Variants in WWOX observed in about 807,000 individuals in gnomAD.
The protein encoded by WWOX is WW domain-containing oxidoreductase.
In WWOX, 69 loss-of-function variants were observed where a neutral mutation model predicts 46.2. That is an observed-to-expected ratio of 1.49 (90% CI 1.23 to 1.82). WWOX has a LOEUF of 1.82. Ranked by LOEUF, WWOX falls within the 40% of genes most tolerant of loss-of-function variation. The pLI is 0.00. For missense variants in WWOX, 919 were observed against 542.6 expected (o/e 1.69, Z -6.89); for synonymous variants, 359 against 202.6 (o/e 1.77, Z -6.56).
chr16:78,771,417 A>G (rs1457336171), intron 8 of WWOX, among the ~76,000 whole-genome samples: 1 of 152,190 alleles, frequency 6.6e-6, no homozygotes, highest in African/African-American at 2.4e-5. Context: ...TTTTGGAGAT[A>G]GAAGTGATGG....
intron 8 of WWOX, among the ~76,000 whole-genome samples, chr16:78,689,325 C>T (rs1160825295): frequency 1.3e-5 from 2 of 152,208 alleles, no homozygotes; most frequent in Non-Finnish European, 2.9e-5. Flanking sequence ...CTTAGTCCTG[C>T]TCATGCTCTC....
intron 5 of WWOX, among the ~76,000 whole-genome samples, chr16:78,362,158 C>T (rs1485412508): frequency 1.3e-5 from 2 of 151,906 alleles, no homozygotes; most frequent in Non-Finnish European, 2.9e-5. Context: ...TGATTTTGAA[C>T]AGTTGAAGGT....
chr16:78,986,057 C>G (rs1364745750), intron 8 of WWOX, among the ~76,000 whole-genome samples: 1 of 152,146 alleles, frequency 6.6e-6, no homozygotes, highest in African/African-American at 2.4e-5. Context: ...GCAAGCTTGT[C>G]CACGATGGCA....
chr16:78,579,632 G>C (rs2044997497), intron 8 of WWOX, among the ~76,000 whole-genome samples: 1 of 152,172 alleles, frequency 6.6e-6, no homozygotes. Flanking sequence ...TTTGGAGTGG[G>C]AAAGTTGAGG....
At chr16:78,286,966 C>T (rs529096540) in intron 5 of WWOX, among the ~76,000 whole-genome samples, 7 of 152,186 alleles carry the variant, frequency 4.6e-5, no homozygotes, top group Non-Finnish European at 8.8e-5. Context: ...TTCATTTTAT[C>T]TTAGCAGCTC....
At chr16:79,091,166 C>A (rs895831309) in intron 8 of WWOX, among the ~76,000 whole-genome samples, 1 of 152,154 alleles carries the variant, frequency 6.6e-6, no homozygotes, top group African/African-American at 2.4e-5. Context: ...GACCAGCCAC[C>A]ATAACCACAT....
intron 8 of WWOX, chr16:78,525,585 G>C (rs2043445664): frequency 6.6e-6 from 1 of 152,142 alleles, no homozygotes; most frequent in Non-Finnish European, 1.5e-5. Context: ...ATGTCTGGTA[G>C]CATCCACTGC....
intron 8 of WWOX, among the ~76,000 whole-genome samples, chr16:78,859,620 G>C (rs905044114): frequency 2.0e-5 from 3 of 152,070 alleles, no homozygotes; most frequent in Non-Finnish European, 4.4e-5. Flanking sequence ...CATTTTATGT[G>C]TCAGTCCCTA....
At chr16:78,801,791 T>G (rs898449705) in intron 8 of WWOX, among the ~76,000 whole-genome samples, 15 of 152,216 alleles carry the variant, frequency 9.9e-5, no homozygotes. Flanking sequence ...AAGGGACATT[T>G]CATTTTTTTT....
intron 8 of WWOX, among the ~76,000 whole-genome samples, chr16:78,847,298 C>G (rs1046223701): frequency 2.0e-5 from 3 of 152,150 alleles, no homozygotes; most frequent in African/African-American, 7.2e-5. Context: ...GCACATACAC[C>G]TATCTCCATT....
At chr16:78,838,810 T>C (rs1335484959) in intron 8 of WWOX, among the ~76,000 whole-genome samples, 1 of 152,020 alleles carries the variant, frequency 6.6e-6, no homozygotes, top group African/African-American at 2.4e-5. Context: ...GCCCCTGTAC[T>C]CCAGCCTGGG....
intron 8 of WWOX, among the ~76,000 whole-genome samples, chr16:78,624,457 C>T (rs2046263556): frequency 6.6e-6 from 1 of 152,168 alleles, no homozygotes; most frequent in Non-Finnish European, 1.5e-5. Flanking sequence ...TGACTCATAT[C>T]TTATTTCCCA....
chr16:78,596,478 G>C (rs569236533), intron 8 of WWOX, among the ~76,000 whole-genome samples: 1 of 150,336 alleles, frequency 6.7e-6, no homozygotes, highest in African/African-American at 2.4e-5. Context: ...CCAGCAGGGC[G>C]TATCAGGGGT....
chr16:78,582,783 G>C (rs1050754930), intron 8 of WWOX, among the ~76,000 whole-genome samples: 1 of 152,022 alleles, frequency 6.6e-6, no homozygotes, highest in Non-Finnish European at 1.5e-5. Context: ...TTCCATCAGG[G>C]GTCCTTATTC....
At chr16:78,835,688 C>T (rs2051960823) in intron 8 of WWOX, among the ~76,000 whole-genome samples, 1 of 152,202 alleles carries the variant, frequency 6.6e-6, no homozygotes, top group South Asian at 2.1e-4. Flanking sequence ...TTCTGAAACT[C>T]ACCCTGTGCT....
intron 5 of WWOX, among the ~76,000 whole-genome samples, chr16:78,373,849 T>A (rs931416240): frequency 6.6e-6 from 1 of 152,128 alleles, no homozygotes; most frequent in African/African-American, 2.4e-5. Flanking sequence ...ATGCAGTGGC[T>A]TGATCTCGGC....
At chr16:78,568,841 G>A (rs138713527) in intron 8 of WWOX, among the ~76,000 whole-genome samples, 7 of 152,210 alleles carry the variant, frequency 4.6e-5, no homozygotes, top group African/African-American at 1.2e-4. Context: ...GTGTGTGCAA[G>A]TAAGTTTGTT....
chr16:78,718,622 C>T lies in WWOX; in HGVS notation c.1056+285870C>T, dbSNP rs553402012. Among the ~76,000 whole-genome samples the T allele has an allele frequency of 2.6e-5, 4 of 152,074 alleles. No homozygotes were observed. In the South Asian group the frequency reaches 8.3e-4, roughly 32 times the overall value. The stretch of plus-strand genomic sequence containing the variant: ...CTCTGGAGGGTGACGGTGGGAGGAT[C>T]CCTTGAGCCCAGGATTTTGAGGCTA... On this transcript the variant is annotated intron_variant, in intron 8 of 8. Transcript: ENST00000566780.
At chr16:78,309,096 T>G (rs1396733384) in intron 5 of WWOX, among the ~76,000 whole-genome samples, 1 of 152,188 alleles carries the variant, frequency 6.6e-6, no homozygotes, top group Non-Finnish European at 1.5e-5. Flanking sequence ...TGAAAATCCT[T>G]GAATCCACCT....
Sources: gnomAD v4.1 joint callset for allele counts (sites outside exome capture counted in the v4.1 genomes callset) on GRCh38, gnomAD v4.1.1 for gene constraint, MANE v1.5 for transcripts, NCBI Gene and HGNC (gene_info 2026-07-23, HGNC 2026-07-21) for gene names.